Variants in TBL1XR1 observed in about 807,000 individuals in gnomAD.
The protein encoded by TBL1XR1 is TBL1X/Y related 1.
Under a neutral mutation model 66.9 loss-of-function variants are expected in TBL1XR1, and 5 were observed. That is an observed-to-expected ratio of 0.07 (90% CI 0.04 to 0.16). The LOEUF is 0.16. Ranked by LOEUF, TBL1XR1 falls within the 10% of genes least tolerant of loss-of-function variation. The pLI is 1.00. For missense variants in TBL1XR1, 238 were observed against 623.2 expected, an observed-to-expected ratio of 0.38 and a Z score of 6.58; for synonymous variants, 210 against 206.0, an observed-to-expected ratio of 1.02 and a Z score of -0.17.
intron 1 of TBL1XR1, among the ~76,000 whole-genome samples, chr3:177,195,402 G>C (rs1236798644): frequency 7.3e-6 from 1 of 136,858 alleles, no homozygotes; most frequent in Non-Finnish European, 1.6e-5. Flanking sequence ...CCATGTTTTC[G>C]GGGAGACAAA....
intron 2 of TBL1XR1, among the ~76,000 whole-genome samples, chr3:177,085,411 C>T (rs1237608274): frequency 2.6e-5 from 4 of 152,138 alleles, no homozygotes; most frequent in Non-Finnish European, 5.9e-5. Context: ...TAATTGCTTG[C>T]TTTCATTTAA....
intron 2 of TBL1XR1, chr3:177,079,518 TAAA>T (rs1048598178): frequency 1.3e-5 from 2 of 152,066 alleles, no homozygotes; most frequent in African/African-American, 4.8e-5. Flanking sequence ...TTTTTTAATC[TAAA>T]TGTAACACTC....
chr3:177,175,834 G>A (rs142487206), intron 1 of TBL1XR1, among the ~76,000 whole-genome samples: 7 of 151,998 alleles, frequency 4.6e-5, no homozygotes, highest in East Asian at 1.9e-4. Flanking sequence ...CGAGGCGTGC[G>A]GATCTCGAGG....
intron 2 of TBL1XR1, among the ~76,000 whole-genome samples, chr3:177,085,071 CTA>C (rs1249061397): frequency 6.6e-6 from 1 of 152,126 alleles, no homozygotes; most frequent in African/African-American, 2.4e-5. Flanking sequence ...AAAATCGAAA[CTA>C]AATCAGAAAA....
rs138180266 is a variant in TBL1XR1 at position 177,143,594 on chromosome 3, C to T, written c.-121-45053G>A. 6.6e-5 allele frequency among the ~76,000 whole-genome samples: 10 copies of T among 152,206 alleles called. No individual in the cohort carries two copies. The South Asian group carries it at 1.9e-3, about 28-fold the overall frequency. On this transcript the variant is annotated intron_variant, in intron 1 of 15. Coordinates refer to ENST00000457928, the MANE Select transcript of TBL1XR1 (RefSeq NM_024665.7). ...TGTGTGAAAAGCACCTGGCTCAGTG[C>T]CTGTGCAAGTGAAAATTCAGTAAAA...
chr3:177,160,346 C>A (rs899215224), intron 1 of TBL1XR1, among the ~76,000 whole-genome samples: 2 of 151,820 alleles, frequency 1.3e-5, no homozygotes, highest in Admixed American at 6.6e-5. Context: ...TGGTGACAGG[C>A]GCCTGTAGTC....
intron 2 of TBL1XR1, among the ~76,000 whole-genome samples, chr3:177,070,621 G>A (rs770613610): frequency 8.5e-5 from 13 of 152,144 alleles, no homozygotes; most frequent in Non-Finnish European, 1.5e-4. Context: ...GGCCGAGGCG[G>A]GTGGATCACC....
At chr3:177,055,187 ATG>A (rs1241000626) in intron 3 of TBL1XR1, among the ~76,000 whole-genome samples, 1 of 152,046 alleles carries the variant, frequency 6.6e-6, no homozygotes, top group Non-Finnish European at 1.5e-5. Flanking sequence ...GTGTTTAGTA[ATG>A]TCTTTTTTGG....
chr3:177,056,319 A>G (rs1204573467), intron 3 of TBL1XR1, among the ~76,000 whole-genome samples: 1 of 152,226 alleles, frequency 6.6e-6, no homozygotes, highest in Non-Finnish European at 1.5e-5. Flanking sequence ...TAAAGTAATA[A>G]TATGTCCAAG....
intron 2 of TBL1XR1, among the ~76,000 whole-genome samples, chr3:177,095,351 A>C (rs1723340418): frequency 1.3e-5 from 2 of 152,156 alleles, no homozygotes; most frequent in Admixed American, 1.3e-4. Context: ...GTCTCAAAAA[A>C]TAATAAATAA....
At chr3:177,155,345 TAAAA>T (rs1270951724) in intron 1 of TBL1XR1, among the ~76,000 whole-genome samples, 1 of 151,962 alleles carries the variant, frequency 6.6e-6, no homozygotes, top group African/African-American at 2.4e-5. Context: ...TTATGAAAAA[TAAAA>T]AAACATAGCC....
intron 11 of TBL1XR1, 42 bp from the exon 12 acceptor site, chr3:177,038,214 T>G: frequency 6.2e-7 from 1 of 1,606,092 alleles, no homozygotes; most frequent in Non-Finnish European, 8.5e-7. Flanking sequence ...TTGTATAGAC[T>G]GGGTAGCTAC....
intron 10 of TBL1XR1, chr3:177,040,930 C>A (rs1715496081): frequency 6.6e-6 from 1 of 152,136 alleles, no homozygotes; most frequent in Non-Finnish European, 1.5e-5. Flanking sequence ...TTTCAAATAA[C>A]TATATTTTTA....
intron 2 of TBL1XR1, among the ~76,000 whole-genome samples, chr3:177,084,392 A>G (rs964383233): frequency 6.6e-6 from 1 of 152,214 alleles, no homozygotes; most frequent in Admixed American, 6.5e-5. Context: ...GTTTTAGGAT[A>G]TATGTAGAAT....
intron 2 of TBL1XR1, among the ~76,000 whole-genome samples, chr3:177,089,538 CTTTT>C (rs1722571587): frequency 6.6e-6 from 1 of 152,220 alleles, no homozygotes; most frequent in South Asian, 2.1e-4. Context: ...TATCAGCCTC[CTTTT>C]CCCTTTCTGG....
intron 10 of TBL1XR1, among the ~76,000 whole-genome samples, chr3:177,039,278 T>C (rs1440501250): frequency 6.6e-6 from 1 of 152,214 alleles, no homozygotes; most frequent in Non-Finnish European, 1.5e-5. Context: ...AAACTTGTAC[T>C]ATCTTTATCC....
intron 1 of TBL1XR1, among the ~76,000 whole-genome samples, chr3:177,176,183 A>C (rs998360395): frequency 6.6e-6 from 1 of 151,892 alleles, no homozygotes; most frequent in African/African-American, 2.4e-5. Context: ...CAGAATATGT[A>C]ACTTGTTAAT....
Position 177,079,127 on chromosome 3 carries a change from C to T in TBL1XR1, c.-45-14105G>A, listed in dbSNP as rs114804724. 7.6e-3 allele frequency among the ~76,000 whole-genome samples: 1,153 copies of T among 151,864 alleles called. 14 individuals are homozygous for T. Among genetic ancestry groups the T allele is most frequent in the African/African-American group, 0.027 (1,101 of 41,366 alleles). On this transcript the variant is annotated intron_variant, in intron 2 of 15. Transcript: ENST00000457928. The stretch of plus-strand genomic sequence containing the variant: ...GTTGGCTGATTATTTCTTGGGATGT[C>T]GGTATTTCACAAAAAAAATGTCGGC...
chr3:177,133,876 C>CA (rs541940840), intron 1 of TBL1XR1, among the ~76,000 whole-genome samples: 1,259 of 105,704 alleles, frequency 0.012, 20 homozygotes, highest in African/African-American at 0.019. Context: ...ACTCCTATCT[C>CA]AAAAAAAAAA....
Sources: allele counts gnomAD v4.1 joint callset (sites outside exome capture counted in the v4.1 genomes callset), GRCh38; gene constraint gnomAD v4.1.1; transcripts MANE v1.5; gene names NCBI Gene and HGNC (gene_info 2026-07-23, HGNC 2026-07-21).